Variants in KCNH5 observed in about 807,000 individuals in gnomAD.
The protein encoded by KCNH5 is voltage-gated delayed rectifier potassium channel KCNH5.
Under a neutral mutation model 96.1 loss-of-function variants are expected in KCNH5, and 46 were observed. The ratio of observed to expected loss-of-function variants is 0.48; its 90% CI spans 0.38 to 0.61. The LOEUF (loss-of-function observed/expected upper bound fraction) is 0.61, where lower values mean the gene tolerates loss of function less well. Among genes scored for constraint, KCNH5 ranks in the 20% least tolerant of loss-of-function variants. The pLI is 0.00. For missense variants in KCNH5, 907 were observed against 1,225.8 expected (o/e 0.74, Z 3.88); for synonymous variants, 439 against 449.8 (o/e 0.98, Z 0.30).
At chr14:62,997,372 G>A (rs1323090839) in intron 4 of KCNH5, among the ~76,000 whole-genome samples, 1 of 152,138 alleles carries the variant, frequency 6.6e-6, no homozygotes, top group African/African-American at 2.4e-5. Context: ...TATCAAACTA[G>A]AGAAGCTCCC....
chr14:62,941,882 G>C (rs1004223531), intron 7 of KCNH5, among the ~76,000 whole-genome samples: 3 of 152,134 alleles, frequency 2.0e-5, no homozygotes, highest in Non-Finnish European at 4.4e-5. Context: ...CCAAGTCCAA[G>C]TCCCACTGGG....
At position 62,897,604 on chromosome 14, in the gene KCNH5, C is replaced by T. The variant is rs988671875; in HGVS notation, c.1370-47752G>A. Among the ~76,000 whole-genome samples, 4 of 152,058 alleles carry T rather than the reference C, an allele frequency of 2.6e-5. No individual in the cohort carries two copies. In the South Asian group the frequency reaches 8.3e-4, roughly 32 times the overall value. Reference sequence around the variant, plus strand: ...TAGCTCTACCATGGCCCTGTTTGACCCAGAACAAGGCCCAAGAATAAAATG... The same window carrying T: ...TAGCTCTACCATGGCCCTGTTTGACTCAGAACAAGGCCCAAGAATAAAATG... On this transcript the variant is annotated intron_variant, in intron 7 of 10. Transcript: ENST00000322893.
chr14:62,941,635 C>T (rs981513725), intron 7 of KCNH5, among the ~76,000 whole-genome samples: 1 of 152,122 alleles, frequency 6.6e-6, no homozygotes, highest in Non-Finnish European at 1.5e-5. Context: ...AGGCTTAAAG[C>T]TCTCCCCATC....
intron 10 of KCNH5, among the ~76,000 whole-genome samples, chr14:62,753,622 G>C (rs1233795201): frequency 6.6e-6 from 1 of 152,100 alleles, no homozygotes; most frequent in African/African-American, 2.4e-5. Flanking sequence ...ACATACAGTG[G>C]AGCTCCAATA....
intron 7 of KCNH5, among the ~76,000 whole-genome samples, chr14:62,918,328 C>T (rs1889315405): frequency 6.6e-6 from 1 of 151,510 alleles, no homozygotes; most frequent in African/African-American, 2.4e-5. Context: ...ACAGAAGGCC[C>T]CAAAAGCAAG....
chr14:62,758,478 C>G (rs748630325), intron 10 of KCNH5, among the ~76,000 whole-genome samples: 2 of 152,126 alleles, frequency 1.3e-5, no homozygotes, highest in Non-Finnish European at 2.9e-5. Flanking sequence ...AAAAATAAAT[C>G]AAATTCCTCT....
intron 7 of KCNH5, 53 bp downstream of exon 7, chr14:62,950,080 C>G (rs1889969940): frequency 6.7e-7 from 1 of 1,494,162 alleles, no homozygotes; most frequent in East Asian, 2.3e-5. Flanking sequence ...GAGATTGTAG[C>G]CAGGAAAATT....
At chr14:63,003,431 A>G (rs1891047914) in intron 3 of KCNH5, among the ~76,000 whole-genome samples, 1 of 117,682 alleles carries the variant, frequency 8.5e-6, no homozygotes. Context: ...GAGTACACAG[A>G]AAGAGCCATA....
chr14:63,003,473 T>A (rs1264156136), intron 3 of KCNH5, among the ~76,000 whole-genome samples: 2 of 131,876 alleles, frequency 1.5e-5, no homozygotes, highest in African/African-American at 2.9e-5. Flanking sequence ...TTATATATAT[T>A]ATATATATTT....
At position 62,707,604 on chromosome 14, in the gene KCNH5, C is replaced by A; in HGVS notation, c.2871G>T (p.Met957Ile). 1 of 1,542,246 alleles carries A rather than the reference C, an allele frequency of 6.5e-7. No individual in the cohort carries two copies. The highest frequency in any genetic ancestry group is 1.3e-5 in the South Asian group (1 of 78,942). The change falls in exon 11 of 11, where the codon ATG becomes ATT. Residue 957 changes from methionine (M) to isoleucine (I), a missense_variant. Physicochemically the swap from Met to Ile is conservative, Grantham distance 10. This residue lies in a region of KCNH5 where 362 missense variants were observed against 394.4 expected (regional missense o/e 0.92). Coordinates refer to ENST00000322893, the MANE Select transcript of KCNH5 (RefSeq NM_139318.5). The stretch of plus-strand genomic sequence containing the variant: ...GTATCTGGGGGGGTACTTGGAGTGG[C>A]ATTTGGGATTTGGGAGATGAGGCCT... ...VPQASSPKSQ[M>I]PLQVPPQIPC... is the part of the protein sequence containing the mutation.
At chr14:62,745,270 A>G (rs1245281926) in intron 10 of KCNH5, among the ~76,000 whole-genome samples, 2 of 152,118 alleles carry the variant, frequency 1.3e-5, no homozygotes, top group Non-Finnish European at 2.9e-5. Context: ...TTAGACCCCT[A>G]TGGTCAGGCC....
chr14:62,930,394 T>C (rs1206427747), intron 7 of KCNH5, among the ~76,000 whole-genome samples: 1 of 152,162 alleles, frequency 6.6e-6, no homozygotes, highest in Non-Finnish European at 1.5e-5. Context: ...TTTATTTTCA[T>C]TGCTGCTCAG....
chr14:62,983,064 A>G (rs774594563), intron 5 of KCNH5, among the ~76,000 whole-genome samples: 14 of 152,190 alleles, frequency 9.2e-5, no homozygotes, highest in Non-Finnish European at 2.1e-4. Flanking sequence ...GTAGTTTACC[A>G]TCTATATATA....
intron 8 of KCNH5, among the ~76,000 whole-genome samples, chr14:62,818,256 CTG>C (rs1887040583): frequency 6.6e-6 from 1 of 151,846 alleles, no homozygotes; most frequent in South Asian, 2.1e-4. Flanking sequence ...ACAAAGGTAA[CTG>C]TGTGAGATGA....
chr14:62,978,986 T>C (rs1466538946), intron 6 of KCNH5, among the ~76,000 whole-genome samples: 2 of 152,204 alleles, frequency 1.3e-5, no homozygotes, highest in Admixed American at 6.5e-5. Context: ...GTCACCATAT[T>C]GTATAATAGA....
rs1409861114 is a variant in KCNH5 at position 62,799,724 on chromosome 14, T to TACAC, written c.1822+2604_1822+2605insGTGT. On this transcript the variant is annotated intron_variant, in intron 9 of 10. Transcript: ENST00000322893. The stretch of plus-strand genomic sequence containing the variant: ...ATATATATATATATATATATATATA[T>TACAC]ATACACACACACACACACACATATC... 4.3e-3 allele frequency among the ~76,000 whole-genome samples: 446 copies of TACAC among 104,292 alleles called. 1 individual carries two copies. Among genetic ancestry groups the TACAC allele is most frequent in the African/African-American group, 0.013 (361 of 27,030 alleles). The allele number at this position is 104,292 out of a possible 152,430, so 68.4% of individuals were successfully genotyped here.
intron 4 of KCNH5, among the ~76,000 whole-genome samples, chr14:62,998,253 T>C (rs548389528): frequency 6.6e-6 from 1 of 152,346 alleles, no homozygotes; most frequent in South Asian, 2.1e-4. Flanking sequence ...AATTTATCAA[T>C]GGCAGCTATA....
rs952048799 is a variant in KCNH5 at position 62,979,390 on chromosome 14, T to C, written c.942+1482A>G. ...CATAATTTATAAAGTAATAATTACA[T>C]ACACAATATCAAAATACAATGTCTA... On this transcript the variant is annotated intron_variant, in intron 6 of 10. Coordinates refer to ENST00000322893, the MANE Select transcript of KCNH5 (RefSeq NM_139318.5). Among the ~76,000 whole-genome samples the C allele has an allele frequency of 4.6e-5, 7 of 152,206 alleles. No homozygotes were observed. The East Asian group carries it at 1.3e-3, about 29-fold the overall frequency.
intron 8 of KCNH5, among the ~76,000 whole-genome samples, chr14:62,821,969 C>T (rs927166349): frequency 1.3e-5 from 2 of 152,052 alleles, no homozygotes; most frequent in South Asian, 4.2e-4. Context: ...ATTCAAAAAG[C>T]TAAAGCATAA....
Sources: allele counts gnomAD v4.1 joint callset (sites outside exome capture counted in the v4.1 genomes callset), GRCh38; gene constraint gnomAD v4.1.1; regional missense constraint gnomAD v4.1.1; transcripts MANE v1.5; gene names NCBI Gene and HGNC (gene_info 2026-07-23, HGNC 2026-07-21).